PITPNM1: variants seen among roughly 807,000 people sequenced by gnomAD.
The protein encoded by PITPNM1 is membrane-associated phosphatidylinositol transfer protein 1.
Under a neutral mutation model 133.3 loss-of-function variants are expected in PITPNM1, and 74 were observed. That is an observed-to-expected ratio of 0.56 (90% confidence interval 0.46 to 0.67). The LOEUF (loss-of-function observed/expected upper bound fraction) is 0.67, where lower values mean the gene tolerates loss of function less well. Ranked by LOEUF, PITPNM1 falls within the 30% of genes least tolerant of loss-of-function variation. The pLI is 0.00. For missense variants in PITPNM1, 1,398 were observed against 1,739.5 expected (o/e 0.80, Z 3.49); for synonymous variants, 738 against 741.4 (o/e 1.00, Z 0.08).
rs373958879 is a variant in PITPNM1 at position 67,491,925 on chromosome 11, G to T, written c.*108C>A. The T allele has an allele frequency of 1.6e-6, 2 of 1,256,904 alleles. No individual in the cohort carries two copies. The highest frequency in any genetic ancestry group is 2.4e-5 in the East Asian group (1 of 42,266). 77.9% of individuals were successfully genotyped at this position (1,256,904 alleles called of 1,614,324 possible). A position where few individuals can be genotyped will look rare whatever the true frequency, so the allele number is the denominator to read the frequency against. On this transcript the variant is annotated 3_prime_UTR_variant, in exon 24 of 24. Coordinates refer to ENST00000356404, the MANE Select transcript of PITPNM1 (RefSeq NM_004910.3). ...ACGGAGATATAGGGTGTGGGGCTGG[G>T]GGGGCCAGCGCTGGGGCCAAAAGTC...
At position 67,502,878 on chromosome 11, in the gene PITPNM1, A is replaced by G. The variant is rs894836498; in HGVS notation, c.79-160T>C. ...CCCACCAAAGCTCCCTGGGATCAGA[A>G]TCACAGATGCAGCCCAGCCCCGCAT... is the stretch of plus-strand genomic sequence containing the variant. On this transcript the variant is annotated intron_variant, in intron 2 of 23. Transcript: ENST00000356404. This position sits in a 1 kb window ranked among gnomAD's most constrained non-coding sequence, Gnocchi z 5.9. 6.6e-6 allele frequency among the ~76,000 whole-genome samples: 1 copy of G among 152,202 alleles called. No homozygotes were observed. The highest frequency in any genetic ancestry group is 1.5e-5 in the Non-Finnish European group (1 of 68,032).
rs1565198703 is a variant in PITPNM1 at position 67,505,200 on chromosome 11, G to A, written c.-54C>T. On this transcript the variant is annotated 5_prime_UTR_variant, in exon 1 of 24. Coordinates refer to ENST00000356404, the MANE Select transcript of PITPNM1 (RefSeq NM_004910.3). The surrounding 1 kb of genome is among the most constrained non-coding windows in gnomAD (Gnocchi z 5.8). The stretch of plus-strand genomic sequence containing the variant: ...CGCCCCGGCTCACCTCTAGCTTGAG[G>A]CGGGCGCCCCTCACCCAGCCCGGGC... 6.6e-6 allele frequency: 1 copy of A among 152,148 alleles called. No homozygotes were observed. Among genetic ancestry groups the A allele is most frequent in the African/African-American group, 2.4e-5 (1 of 41,430 alleles). The allele number at this position is 152,148 out of a possible 1,614,324, so 9.4% of individuals were successfully genotyped here.
At chr11:67,501,680 G>T (rs560797293) in intron 5 of PITPNM1, among the ~76,000 whole-genome samples, 182 bp downstream of exon 5, 1 of 152,306 alleles carries the variant, frequency 6.6e-6, no homozygotes, top group South Asian at 2.1e-4. Flanking sequence ...CATGTTACCA[G>T]CTTCCTGCTC....
Position 67,502,526 on chromosome 11 carries a change from C to G in PITPNM1, c.271G>C (p.Ala91Pro). 1 of 1,613,784 alleles carries G rather than the reference C, an allele frequency of 6.2e-7. No homozygotes were observed. The highest frequency in any genetic ancestry group is 1.1e-5 in the South Asian group (1 of 91,092). Residue 91 changes from alanine to proline, a missense_variant, in exon 3 of 24, where the codon GCC becomes CCC. Ala to Pro is a conservative substitution (Grantham distance 27, BLOSUM62 -1). Around this residue, in one of 5 missense-constraint regions of PITPNM1, gnomAD observed 274 missense variants for 360.7 expected, o/e 0.76. Coordinates refer to ENST00000356404, the MANE Select transcript of PITPNM1 (RefSeq NM_004910.3). This position sits in a 1 kb window ranked among gnomAD's most constrained non-coding sequence, Gnocchi z 5.9. ...ALQVEEESWN[A>P]YPYTRTRYTC... ...CACCGGGTTCGGGTGTAGGGGTAGGCATTCCAGGATTCCTCTTCTACCTGC... is the reference window on the plus strand; with the variant it reads ...CACCGGGTTCGGGTGTAGGGGTAGGGATTCCAGGATTCCTCTTCTACCTGC...
At chr11:67,492,684 G>A (rs1865970114) in intron 23 of PITPNM1, among the ~76,000 whole-genome samples, 1 of 152,382 alleles carries the variant, frequency 6.6e-6, no homozygotes, top group East Asian at 1.9e-4. Context: ...AGGTCACAGT[G>A]GAAAGCCATG....
rs747708603 is a variant in PITPNM1, at chr11:67,492,285, G to A, written c.3483C>T (p.Asp1161=). The A allele has an allele frequency of 3.6e-5, 57 of 1,574,976 alleles. No homozygotes were observed. Among genetic ancestry groups the A allele is most frequent in the East Asian group, 2.0e-4 (9 of 44,400 alleles). Residue 1161 remains aspartate (D), a synonymous_variant, in exon 24 of 24, where the codon GAC becomes GAT. Coordinates refer to ENST00000356404, the MANE Select transcript of PITPNM1 (RefSeq NM_004910.3). ...GCTGGCCCAGGTGGGCCACATAGCC[G>A]TCTGACAGGAACTGTGGGCAGAGGT... ...KLQAQCQFLS[D]GYVAHLGQLE...
In PITPNM1 at chr11:67,492,306, G is replaced by C. The variant is rs959129184; in HGVS notation, c.3472-10C>G. The C allele has an allele frequency of 1.3e-6, 2 of 1,546,332 alleles. No homozygotes were observed. The highest frequency in any genetic ancestry group is 2.7e-5 in the African/African-American group (2 of 72,980). On this transcript the variant is annotated splice_polypyrimidine_tract_variant and intron_variant, in intron 23 of 23. Coordinates refer to ENST00000356404, the MANE Select transcript of PITPNM1 (RefSeq NM_004910.3). ...AGCCGTCTGACAGGAACTGTGGGCAGAGGTAGGCAGCGATGAGGGGGTGCT... is the reference window on the plus strand; with the variant it reads ...AGCCGTCTGACAGGAACTGTGGGCACAGGTAGGCAGCGATGAGGGGGTGCT...
intron 14 of PITPNM1, chr11:67,496,565 A>C: frequency 1.9e-6 from 1 of 517,320 alleles, no homozygotes; most frequent in Non-Finnish European, 3.4e-6. Context: ...TGCGGGAGGC[A>C]GAAGCAGATG....
rs573885681 is a variant in PITPNM1, at chr11:67,504,911, G to C, written c.-42+277C>G. 6.5e-6 allele frequency: 1 copy of C among 152,934 alleles called. No individual in the cohort carries two copies. The highest frequency in any genetic ancestry group is 1.5e-5 in the Non-Finnish European group (1 of 68,686). 9.5% of individuals were successfully genotyped at this position (152,934 alleles called of 1,614,324 possible). Reference sequence around the variant, plus strand: ...CCTGGCCCTCGCCGGCTCTCCACGCGCCTAGGCAGCCACTCCGTCCTCTTC... The same window carrying C: ...CCTGGCCCTCGCCGGCTCTCCACGCCCCTAGGCAGCCACTCCGTCCTCTTC... On this transcript the variant is annotated intron_variant, in intron 1 of 23. Coordinates refer to ENST00000356404, the MANE Select transcript of PITPNM1 (RefSeq NM_004910.3). The surrounding 1 kb of genome is among the most constrained non-coding windows in gnomAD (Gnocchi z 5.4).
At chr11:67,494,820 G>GAGTGGACA (rs772388639) in intron 18 of PITPNM1, 26 bp downstream of exon 18, 26 of 1,555,612 alleles carry the variant, frequency 1.7e-5, no homozygotes, top group Non-Finnish European at 2.3e-5. Context: ...GCGAGTGGGC[G>GAGTGGACA]AGGGGGCGAG....
Position 67,498,668 on chromosome 11 carries a change from G to A in PITPNM1, c.1412C>T (p.Ala471Val). 6.2e-7 allele frequency: 1 copy of A among 1,601,848 alleles called. No individual in the cohort carries two copies. Among genetic ancestry groups the A allele is most frequent in the Non-Finnish European group, 8.5e-7 (1 of 1,179,932 alleles). ...CAGTCGCAGCGCCACGTGGCCCAAG[G>A]CCTCAGGGAAGTGGATGCGGGTGAC... Reference protein sequence around the residue: ...EAVTRIHFPEALGHVALRLVP... With the variant: ...EAVTRIHFPEVLGHVALRLVP... The change falls in exon 10 of 24, where the codon GCC (alanine) becomes GTC (valine). Residue 471 changes from alanine to valine, a missense_variant. This residue lies in a region of PITPNM1 where 574 missense variants were observed against 698.7 expected (regional missense o/e 0.82). Transcript: ENST00000356404. The surrounding 1 kb of genome is among the most constrained non-coding windows in gnomAD (Gnocchi z 5.7).
At chr11:67,495,366 C>T in intron 16 of PITPNM1, 72 bp downstream of exon 16, 2 of 1,458,612 alleles carry the variant, frequency 1.4e-6, no homozygotes, top group Non-Finnish European at 1.8e-6. Flanking sequence ...AAGGGTTTCT[C>T]AGCTGGGCTT....
Position 67,494,014 on chromosome 11 carries a change from G to A in PITPNM1, c.2916C>T (p.Thr972=), listed in dbSNP as rs771497126. 1.2e-6 allele frequency: 2 copies of A among 1,611,914 alleles called. No homozygotes were observed. The highest frequency in any genetic ancestry group is 1.1e-5 in the South Asian group (1 of 90,976). ...GGCGGCCCGAGCTATTGGTGACTTC[G>A]GTGCCAAAGTGGATCCACTTGCCCG... ...PLSGKWIHFG[T]EVTNSSGRLT... Residue 972 remains threonine (T), a synonymous_variant, in exon 20 of 24, where the codon ACC becomes ACT. Coordinates refer to ENST00000356404, the MANE Select transcript of PITPNM1 (RefSeq NM_004910.3).
chr11:67,491,890 C>G lies in PITPNM1; in HGVS notation c.*143G>C, dbSNP rs745528141. 4 of 919,496 alleles carry G rather than the reference C, an allele frequency of 4.4e-6. No homozygotes were observed. The highest frequency in any genetic ancestry group is 6.4e-6 in the Non-Finnish European group (4 of 622,682). The allele number at this position is 919,496 out of a possible 1,614,324, so 57.0% of individuals were successfully genotyped here. On this transcript the variant is annotated 3_prime_UTR_variant, in exon 24 of 24. Transcript: ENST00000356404. The stretch of plus-strand genomic sequence containing the variant: ...CCCTCATATGAAAGGGAAGTAACAC[C>G]GAGGAGCACACGGAGATATAGGGTG...
Position 67,498,803 on chromosome 11 carries a change from A to G in PITPNM1, c.1277T>C (p.Val426Ala). The change falls in exon 10 of 24, where the codon GTC becomes GCC. Residue 426 changes from valine to alanine, a missense_variant. Physicochemically the swap from Val to Ala is moderately conservative, Grantham distance 64 (BLOSUM62 0). Around this residue, in one of 5 missense-constraint regions of PITPNM1, gnomAD observed 574 missense variants for 698.7 expected, o/e 0.82. Transcript: ENST00000356404. The surrounding 1 kb of genome is among the most constrained non-coding windows in gnomAD (Gnocchi z 5.7). ...AGELGAEACA[V>A]HALFLILHSG... The stretch of plus-strand genomic sequence containing the variant: ...GTGCAGGATAAGGAAGAGGGCGTGG[A>G]CTGCGCATGCCTCAGCCCCCAGCTC... The G allele has an allele frequency of 6.2e-7, 1 of 1,612,654 alleles. No homozygotes were observed. Among genetic ancestry groups the G allele is most frequent in the Non-Finnish European group, 8.5e-7 (1 of 1,179,874 alleles).
rs1371409779 is a variant in PITPNM1 at position 67,497,636 on chromosome 11, G to T, written c.1826C>A (p.Pro609His). 6.2e-7 allele frequency: 1 copy of T among 1,608,686 alleles called. No homozygotes were observed. The highest frequency in any genetic ancestry group is 8.5e-7 in the Non-Finnish European group (1 of 1,178,696). ...LSPEFGPVRD[P>H]LADGVEGLGR... is the part of the protein sequence containing the mutation. ...CAGGCCTTCCACACCATCTGCCAGG[G>T]GGTCCCGCACTGGGCCAAACTCCGG... The change falls in exon 13 of 24, where the codon CCC becomes CAC. Residue 609 changes from proline (P) to histidine (H), a missense_variant. Coordinates refer to ENST00000356404, the MANE Select transcript of PITPNM1 (RefSeq NM_004910.3).
At chr11:67,494,779 CG>C in intron 18 of PITPNM1, 66 bp downstream of exon 18, 1 of 982,620 alleles carries the variant, frequency 1.0e-6, no homozygotes, top group Admixed American at 2.0e-5. Context: ...GGGGGAGGGG[CG>C]GGGCCTCTCT....
Position 67,491,930 on chromosome 11 carries a change from C to G in PITPNM1, c.*103G>C. ...GATATAGGGTGTGGGGCTGGGGGGG[C>G]CAGCGCTGGGGCCAAAAGTCTGGGT... On this transcript the variant is annotated 3_prime_UTR_variant, in exon 24 of 24. Coordinates refer to ENST00000356404, the MANE Select transcript of PITPNM1 (RefSeq NM_004910.3). 1.5e-6 allele frequency: 2 copies of G among 1,323,100 alleles called. No individual in the cohort carries two copies. Among genetic ancestry groups the G allele is most frequent in the Non-Finnish European group, 2.1e-6 (2 of 963,742 alleles). The allele number at this position is 1,323,100 out of a possible 1,614,324, so 82.0% of individuals were successfully genotyped here. A position where few individuals can be genotyped will look rare whatever the true frequency, so the allele number is the denominator to read the frequency against.
chr11:67,498,056 G>T lies in PITPNM1; in HGVS notation c.1675-32C>A. 1 of 1,607,480 alleles carries T rather than the reference G, an allele frequency of 6.2e-7. No individual in the cohort carries two copies. The highest frequency in any genetic ancestry group is 8.5e-7 in the Non-Finnish European group (1 of 1,178,242). On this transcript the variant is annotated intron_variant, in intron 11 of 23. Transcript: ENST00000356404. This position sits in a 1 kb window ranked among gnomAD's most constrained non-coding sequence, Gnocchi z 5.7. The stretch of plus-strand genomic sequence containing the variant: ...GGGAGCAGGGGCACCATCAGGAGAG[G>T]CCTTGTCCTCACCCAGGCCAGACTA...
Sources: gnomAD v4.1 joint callset for allele counts (sites outside exome capture counted in the v4.1 genomes callset) on GRCh38, gnomAD v4.1.1 for gene constraint, gnomAD v4.1.1 regional missense constraint, Gnocchi (gnomAD v3.1) non-coding constraint, MANE v1.5 for transcripts, NCBI Gene and HGNC (gene_info 2026-07-23, HGNC 2026-07-21) for gene names.